YES1: variants seen among roughly 807,000 people sequenced by gnomAD.
The protein encoded by YES1 is YES proto-oncogene 1, Src family tyrosine kinase.
Under a neutral mutation model 70.4 loss-of-function variants are expected in YES1, and 39 were observed. The observed-to-expected ratio is 0.55, with a 90% confidence interval of 0.43 to 0.72. The LOEUF is 0.72. Ranked by LOEUF, YES1 falls within the 30% of genes least tolerant of loss-of-function variation. The pLI is 0.00. For missense variants in YES1, 495 were observed against 644.8 expected (o/e 0.77, Z 2.52); for synonymous variants, 198 against 218.6 (o/e 0.91, Z 0.83).
chr18:757,823 AAAAAAAT>A (rs1443426877), intron 1 of YES1, among the ~76,000 whole-genome samples: 1 of 152,008 alleles, frequency 6.6e-6, no homozygotes, highest in Non-Finnish European at 1.5e-5. Context: ...CTCTGTCTCA[AAAAAAAT>A]AAAAAATAAA....
chr18:791,107 G>A lies in YES1; in HGVS notation c.-9+21007C>T, dbSNP rs375587978. ...TCTATTAAAAATACAAAAATTAGCC[G>A]GGCGTGGTGGTGCGCGTTTGTAATC... On this transcript the variant is annotated intron_variant, in intron 1 of 11. Coordinates refer to ENST00000314574, the MANE Select transcript of YES1 (RefSeq NM_005433.4). Among the ~76,000 whole-genome samples, 23 of 151,544 alleles carry A rather than the reference G, an allele frequency of 1.5e-4. No individual in the cohort carries two copies. In the South Asian group the frequency reaches 1.9e-3, roughly 12 times the overall value.
At chr18:727,850 C>G (rs1444495458) in intron 11 of YES1, among the ~76,000 whole-genome samples, 1 of 152,150 alleles carries the variant, frequency 6.6e-6, no homozygotes, top group African/African-American at 2.4e-5. Context: ...TCACTCTTCC[C>G]TGGCTTCCAT....
intron 6 of YES1, among the ~76,000 whole-genome samples, chr18:744,781 G>A (rs545098638): frequency 7.1e-6 from 1 of 140,434 alleles, no homozygotes; most frequent in Non-Finnish European, 1.5e-5. Context: ...TGATCCTCCT[G>A]CATCAGTAGT....
At chr18:745,622 A>G (rs2080270413) in intron 6 of YES1, 86 bp downstream of exon 6, 4 of 1,313,596 alleles carry the variant, frequency 3.0e-6, no homozygotes. Flanking sequence ...AAGTGTGTTA[A>G]ATCTTAAGAG....
chr18:731,966 C>CAAAAAAAA (rs1165333694), intron 11 of YES1, among the ~76,000 whole-genome samples: 4 of 79,966 alleles, frequency 5.0e-5, no homozygotes, highest in Admixed American at 3.5e-4. Flanking sequence ...GACTCCATTT[C>CAAAAAAAA]AAAAAAAAAA....
At chr18:733,737 T>A (rs1479322770) in intron 10 of YES1, among the ~76,000 whole-genome samples, 1 of 126,064 alleles carries the variant, frequency 7.9e-6, no homozygotes, top group African/African-American at 3.1e-5. Context: ...GAGCTGAGAT[T>A]GCGCCACTGC....
chr18:767,494 C>T (rs759509528), intron 1 of YES1, among the ~76,000 whole-genome samples: 25 of 152,076 alleles, frequency 1.6e-4, no homozygotes, highest in Admixed American at 3.9e-4. Flanking sequence ...TCTCCTAGTA[C>T]AATTTGTTGA....
intron 1 of YES1, among the ~76,000 whole-genome samples, chr18:760,243 G>C (rs972253179): frequency 5.3e-5 from 8 of 152,112 alleles, no homozygotes; most frequent in African/African-American, 1.9e-4. Flanking sequence ...GACAAGGCGG[G>C]TGGATCACCT....
chr18:733,443 A>G (rs1454791156), intron 10 of YES1, among the ~76,000 whole-genome samples: 1 of 152,324 alleles, frequency 6.6e-6, no homozygotes, highest in African/African-American at 2.4e-5. Flanking sequence ...CTTACTGTAT[A>G]TCTTTTTTGT....
intron 6 of YES1, among the ~76,000 whole-genome samples, chr18:743,876 A>G (rs2145708703): frequency 6.6e-6 from 1 of 151,310 alleles, no homozygotes; most frequent in South Asian, 2.1e-4. Context: ...ACTGCACTCT[A>G]GCCTGGGTGA....
At chr18:753,903 C>A (rs1163102126) in intron 2 of YES1, among the ~76,000 whole-genome samples, 2 of 152,082 alleles carry the variant, frequency 1.3e-5, no homozygotes, top group African/African-American at 4.8e-5. Context: ...AGTAAATGGC[C>A]CTACCATCTA....
chr18:793,833 T>G (rs1452974345), intron 1 of YES1, among the ~76,000 whole-genome samples: 1 of 152,114 alleles, frequency 6.6e-6, no homozygotes, highest in Non-Finnish European at 1.5e-5. Flanking sequence ...AGGCTCTTGC[T>G]GACCAAACAC....
chr18:764,707 G>A (rs752889577), intron 1 of YES1, among the ~76,000 whole-genome samples: 11 of 152,088 alleles, frequency 7.2e-5, no homozygotes, highest in Non-Finnish European at 1.6e-4. Context: ...AACAAAAATA[G>A]TTTCATAATT....
intron 10 of YES1, chr18:736,326 G>C (rs1409797982): frequency 6.6e-6 from 1 of 152,574 alleles, no homozygotes; most frequent in South Asian, 2.1e-4. Context: ...TAATTCTGTT[G>C]TGGGGGGAAG....
At chr18:751,825 C>A in intron 2 of YES1, 21 bp from the exon 3 acceptor site, 2 of 1,350,898 alleles carry the variant, frequency 1.5e-6, no homozygotes, top group Admixed American at 1.9e-5. Flanking sequence ...GAAAAAAGAC[C>A]AAGGTAAATT....
rs984971865 is a variant in YES1 at position 797,129 on chromosome 18, T to C, written c.-9+14985A>G. On this transcript the variant is annotated intron_variant, in intron 1 of 11. Coordinates refer to ENST00000314574, the MANE Select transcript of YES1 (RefSeq NM_005433.4). ...AACATAAAGACAAAGAAAGAATATC[T>C]ATAATATATTGAAGAGTCCCTAAAA... is the stretch of plus-strand genomic sequence containing the variant. 3.7e-4 allele frequency among the ~76,000 whole-genome samples: 57 copies of C among 152,092 alleles called. 1 individual carries two copies. Among genetic ancestry groups the C allele is most frequent in the East Asian group, 1.9e-4 (1 of 5,194 alleles).
Position 721,844 on chromosome 18 carries a change from A to G in YES1, c.*2580T>C, listed in dbSNP as rs1444261819. 6.6e-6 allele frequency: 1 copy of G among 152,664 alleles called. No individual in the cohort carries two copies. The highest frequency in any genetic ancestry group is 1.5e-5 in the Non-Finnish European group (1 of 68,056). 9.5% of individuals were successfully genotyped at this position (152,664 alleles called of 1,614,324 possible). A position where few individuals can be genotyped will look rare whatever the true frequency, so the allele number is the denominator to read the frequency against. On this transcript the variant is annotated 3_prime_UTR_variant, in exon 12 of 12. Coordinates refer to ENST00000314574, the MANE Select transcript of YES1 (RefSeq NM_005433.4). ...GTTTAGGCTACCATTATTCATTTAA[A>G]AAAGTGTGCTAGAAGGCTGTTTTTG...
chr18:805,805 A>C lies in YES1; in HGVS notation c.-9+6309T>G, dbSNP rs140364603. The stretch of plus-strand genomic sequence containing the variant: ...CGCCAGGAAACAATGTGAAGTATTA[A>C]CTTATACACAACCACCACCAACTTC... On this transcript the variant is annotated intron_variant, in intron 1 of 11. Coordinates refer to ENST00000314574, the MANE Select transcript of YES1 (RefSeq NM_005433.4). Among the ~76,000 whole-genome samples, 641 of 152,338 alleles carry C rather than the reference A, an allele frequency of 4.2e-3. 3 individuals are homozygous for C. The highest frequency in any genetic ancestry group is 0.015 in the African/African-American group (612 of 41,564).
At chr18:754,932 T>C (rs1263627384) in intron 2 of YES1, among the ~76,000 whole-genome samples, 1 of 152,152 alleles carries the variant, frequency 6.6e-6, no homozygotes, top group Non-Finnish European at 1.5e-5. Flanking sequence ...CACCTCTCCA[T>C]ACCTGATACA....
Sources: allele counts gnomAD v4.1 joint callset (sites outside exome capture counted in the v4.1 genomes callset), GRCh38; gene constraint gnomAD v4.1.1; transcripts MANE v1.5; gene names NCBI Gene and HGNC (gene_info 2026-07-23, HGNC 2026-07-21).